The following INPP4B variants were observed in gnomAD, a reference collection of about 807,000 sequenced individuals.
INPP4B encodes the protein inositol polyphosphate-4-phosphatase type II B.
In INPP4B, 55 loss-of-function variants were observed where a neutral mutation model predicts 122.5. That is an observed-to-expected ratio of 0.45 (90% CI 0.36 to 0.56). The LOEUF (loss-of-function observed/expected upper bound fraction) is 0.56, where lower values mean the gene tolerates loss of function less well. Among genes scored for constraint, INPP4B ranks in the 20% least tolerant of loss-of-function variants. The pLI is 0.00. For missense variants in INPP4B, 1,000 were observed against 1,097.7 expected (o/e 0.91, Z 1.26); for synonymous variants, 403 against 388.7 (o/e 1.04, Z -0.43).
rs566615023 is a variant in INPP4B at position 142,418,416 on chromosome 4, G to A, written c.136+10757C>T. ...TCCAAATGTGCCCAATATGATTCTA[G>A]GTGACAGTTTCACAGCATTGAACAA... On this transcript the variant is annotated intron_variant, in intron 5 of 25. Coordinates refer to ENST00000262992, the MANE Select transcript of INPP4B (RefSeq NM_001101669.3). Among the ~76,000 whole-genome samples, 3 of 152,170 alleles carry A rather than the reference G, an allele frequency of 2.0e-5. No homozygotes were observed. In the East Asian group the frequency reaches 5.8e-4, roughly 29 times the overall value.
At chr4:142,589,805 A>G (rs1042244335) in intron 2 of INPP4B, among the ~76,000 whole-genome samples, 2 of 152,160 alleles carry the variant, frequency 1.3e-5, no homozygotes, top group Non-Finnish European at 2.9e-5. Context: ...AAGCACGTTT[A>G]CCTAGAAACT....
chr4:142,318,101 T>G (rs1184925533), intron 7 of INPP4B, among the ~76,000 whole-genome samples: 1 of 152,186 alleles, frequency 6.6e-6, no homozygotes, highest in African/African-American at 2.4e-5. Context: ...TTTCAGCCTT[T>G]GTGTCAGTTA....
intron 7 of INPP4B, among the ~76,000 whole-genome samples, chr4:142,364,378 C>A (rs528878707): frequency 6.6e-6 from 1 of 152,070 alleles, no homozygotes; most frequent in East Asian, 1.9e-4. Flanking sequence ...GCCATAGACA[C>A]TTGCAATAGA....
At chr4:142,250,855 T>C (rs540499910) in intron 11 of INPP4B, among the ~76,000 whole-genome samples, 1 of 152,280 alleles carries the variant, frequency 6.6e-6, no homozygotes, top group South Asian at 2.1e-4. Flanking sequence ...CACCAAACTG[T>C]CACCTCCATA....
chr4:142,754,894 CAT>C (rs912670995), intron 1 of INPP4B, among the ~76,000 whole-genome samples: 2 of 152,024 alleles, frequency 1.3e-5, no homozygotes, highest in African/African-American at 4.8e-5. Context: ...AATAGACTGA[CAT>C]GTGTGCAGAA....
chr4:142,587,104 G>C (rs972941414), intron 2 of INPP4B, among the ~76,000 whole-genome samples: 4 of 152,002 alleles, frequency 2.6e-5, no homozygotes, highest in African/African-American at 7.2e-5. Flanking sequence ...TTGAGTTGGT[G>C]GAATCTTTTT....
At chr4:142,639,623 T>G (rs1749947512) in intron 2 of INPP4B, among the ~76,000 whole-genome samples, 1 of 152,170 alleles carries the variant, frequency 6.6e-6, no homozygotes, top group African/African-American at 2.4e-5. Context: ...AAGGCAGAAT[T>G]TGTTAGATAA....
At chr4:142,188,322 C>T (rs1465405021) in intron 15 of INPP4B, among the ~76,000 whole-genome samples, 1 of 150,834 alleles carries the variant, frequency 6.6e-6, no homozygotes, top group East Asian at 2.0e-4. Context: ...CCTGGCTCTA[C>T]TAAAAATACA....
At chr4:142,202,791 T>C in intron 14 of INPP4B, 2 of 984,922 alleles carry the variant, frequency 2.0e-6, no homozygotes, top group Non-Finnish European at 2.4e-6. Context: ...ACAAAAACAA[T>C]GAGAGTGGGC....
chr4:142,131,703 C>A (rs1801342126), intron 18 of INPP4B, among the ~76,000 whole-genome samples: 1 of 152,224 alleles, frequency 6.6e-6, no homozygotes, highest in Admixed American at 6.5e-5. Context: ...TGCCTGTAAT[C>A]CCAGCACTTT....
At chr4:142,304,389 C>T (rs576501065) in intron 9 of INPP4B, among the ~76,000 whole-genome samples, 57 of 151,890 alleles carry the variant, frequency 3.8e-4, no homozygotes, top group African/African-American at 1.4e-3. Context: ...GGAGACATAA[C>T]CTAAAGGAAG....
intron 12 of INPP4B, among the ~76,000 whole-genome samples, chr4:142,236,680 A>C (rs28448773): frequency 6.6e-6 from 1 of 152,026 alleles, no homozygotes; most frequent in Non-Finnish European, 1.5e-5. Context: ...TTCTGTTTTC[A>C]TATTTCTGCA....
At chr4:142,183,893 C>A (rs369407793) in intron 15 of INPP4B, among the ~76,000 whole-genome samples, 27 of 151,588 alleles carry the variant, frequency 1.8e-4, no homozygotes, top group South Asian at 4.2e-4. Flanking sequence ...ACTTTTAAAC[C>A]CTAATCTTCT....
At chr4:142,501,287 A>T (rs1823338286) in intron 2 of INPP4B, among the ~76,000 whole-genome samples, 1 of 152,168 alleles carries the variant, frequency 6.6e-6, no homozygotes, top group Non-Finnish European at 1.5e-5. Flanking sequence ...AAGAACTGAG[A>T]CAACAAAGAA....
At chr4:142,676,923 T>C (rs377692928) in intron 2 of INPP4B, among the ~76,000 whole-genome samples, 6 of 152,118 alleles carry the variant, frequency 3.9e-5, no homozygotes, top group African/African-American at 1.4e-4. Flanking sequence ...ATTTAGGACA[T>C]AGGCATGGGC....
intron 1 of INPP4B, among the ~76,000 whole-genome samples, chr4:142,845,169 T>G (rs1784030971): frequency 6.6e-6 from 1 of 152,160 alleles, no homozygotes; most frequent in East Asian, 1.9e-4. Flanking sequence ...AGCAACAACC[T>G]AATCAATATG....
intron 7 of INPP4B, among the ~76,000 whole-genome samples, chr4:142,343,525 T>C (rs755388366): frequency 1.5e-4 from 23 of 152,028 alleles, no homozygotes; most frequent in Non-Finnish European, 2.6e-4. Flanking sequence ...ATCAAACTAA[T>C]TTAAATTGGT....
chr4:142,142,799 A>T (rs1234798114), intron 18 of INPP4B, among the ~76,000 whole-genome samples: 2 of 152,128 alleles, frequency 1.3e-5, no homozygotes, highest in African/African-American at 4.8e-5. Flanking sequence ...AAGGAATGAT[A>T]AACGTTTAAA....
intron 5 of INPP4B, among the ~76,000 whole-genome samples, chr4:142,412,021 A>G (rs1804710176): frequency 6.6e-6 from 1 of 152,164 alleles, no homozygotes; most frequent in African/African-American, 2.4e-5. Context: ...CCTAGGGGGC[A>G]GTTTTTTATT....
Sources: gnomAD v4.1 joint callset for allele counts (sites outside exome capture counted in the v4.1 genomes callset) on GRCh38, gnomAD v4.1.1 for gene constraint, MANE v1.5 for transcripts, NCBI Gene and HGNC (gene_info 2026-07-23, HGNC 2026-07-21) for gene names.